Variants in SLIT2 observed in about 807,000 individuals in gnomAD.
SLIT2 encodes slit guidance ligand 2.
SLIT2 carries 41 observed loss-of-function variants against 185.7 expected under a neutral mutation model. The observed-to-expected ratio is 0.22, with a 90% CI of 0.17 to 0.29. The LOEUF is 0.29. Among genes scored for constraint, SLIT2 ranks in the 10% least tolerant of loss-of-function variants. The pLI is 1.00. For synonymous variants in SLIT2, 693 were observed against 680.2 expected (o/e 1.02, Z -0.29); for missense variants, 1,571 against 1,909.0 (o/e 0.82, Z 3.30).
intron 4 of SLIT2, among the ~76,000 whole-genome samples, chr4:20,389,551 C>CGAGAT (rs1188598393): frequency 2.0e-5 from 3 of 151,324 alleles, no homozygotes; most frequent in Non-Finnish European, 2.9e-5. Flanking sequence ...TTTTAACCAC[C>CGAGAT]GAGATTTTGA....
chr4:20,267,085 G>GA (rs1178091397), intron 3 of SLIT2, among the ~76,000 whole-genome samples: 2 of 151,710 alleles, frequency 1.3e-5, no homozygotes, highest in Non-Finnish European at 2.9e-5. Flanking sequence ...TGCATTCCTA[G>GA]AAAAAAATCT....
chr4:20,612,139 A>T (rs1729269691), intron 34 of SLIT2, among the ~76,000 whole-genome samples: 1 of 151,320 alleles, frequency 6.6e-6, no homozygotes, highest in Admixed American at 6.6e-5. Flanking sequence ...GCACTTTGGG[A>T]GGCTGAGGAG....
chr4:20,610,201 A>G, intron 34 of SLIT2, 34 bp downstream of exon 34: 1 of 1,586,332 alleles, frequency 6.3e-7, no homozygotes, highest in Non-Finnish European at 8.6e-7. Context: ...TGGTCCTGAA[A>G]CCCTGTGATT....
At chr4:20,427,814 A>G (rs998275926) in intron 4 of SLIT2, among the ~76,000 whole-genome samples, 4 of 152,056 alleles carry the variant, frequency 2.6e-5, no homozygotes, top group African/African-American at 9.7e-5. Flanking sequence ...CCAACTACAT[A>G]TAGAATGTTA....
chr4:20,328,702 T>C (rs1719805035), intron 4 of SLIT2, among the ~76,000 whole-genome samples: 1 of 152,090 alleles, frequency 6.6e-6, no homozygotes, highest in Non-Finnish European at 1.5e-5. Context: ...CTGTATATTG[T>C]GGATTTAAAA....
intron 4 of SLIT2, among the ~76,000 whole-genome samples, chr4:20,288,880 G>A (rs999477623): frequency 5.3e-5 from 8 of 152,206 alleles, no homozygotes; most frequent in Non-Finnish European, 2.9e-5. Flanking sequence ...AGAGAGAAGG[G>A]AAGAAGGGAG....
chr4:20,329,535 G>A (rs1719890767), intron 4 of SLIT2, among the ~76,000 whole-genome samples: 1 of 152,024 alleles, frequency 6.6e-6, no homozygotes, highest in Non-Finnish European at 1.5e-5. Flanking sequence ...GGTAGCATTT[G>A]TGTAAGGATT....
intron 4 of SLIT2, among the ~76,000 whole-genome samples, chr4:20,337,231 C>G (rs1720582336): frequency 6.6e-6 from 1 of 152,108 alleles, no homozygotes; most frequent in Non-Finnish European, 1.5e-5. Context: ...GCTGGGAAGG[C>G]CTCACAATCA....
chr4:20,270,627 G>T (rs772518951), intron 4 of SLIT2, among the ~76,000 whole-genome samples: 1 of 151,866 alleles, frequency 6.6e-6, no homozygotes, highest in Non-Finnish European at 1.5e-5. Flanking sequence ...CTGGCTCAAA[G>T]GATTTGTCCT....
intron 4 of SLIT2, among the ~76,000 whole-genome samples, chr4:20,446,642 A>T (rs895384431): frequency 2.6e-5 from 4 of 152,234 alleles, no homozygotes; most frequent in African/African-American, 9.6e-5. Context: ...AAAAGAAAAT[A>T]TGCATCACTG....
At chr4:20,584,636 T>C (rs1726893376) in intron 29 of SLIT2, among the ~76,000 whole-genome samples, 1 of 152,226 alleles carries the variant, frequency 6.6e-6, no homozygotes. Flanking sequence ...GAAAAATCAT[T>C]CCCATTTAGA....
intron 36 of SLIT2, among the ~76,000 whole-genome samples, chr4:20,618,278 A>G (rs1425868929): frequency 6.6e-6 from 1 of 152,222 alleles, no homozygotes; most frequent in African/African-American, 2.4e-5. Context: ...GTGCCCATGG[A>G]AGCTTTTAGC....
At chr4:20,294,765 G>A (rs1196968459) in intron 4 of SLIT2, among the ~76,000 whole-genome samples, 1 of 152,164 alleles carries the variant, frequency 6.6e-6, no homozygotes, top group Non-Finnish European at 1.5e-5. Context: ...GATAGCCATG[G>A]TTGGAATTCA....
chr4:20,381,392 G>A (rs919724809), intron 4 of SLIT2, among the ~76,000 whole-genome samples: 2 of 152,126 alleles, frequency 1.3e-5, no homozygotes, highest in African/African-American at 4.8e-5. Context: ...AACTACACAA[G>A]CCATAAGACA....
chr4:20,322,060 A>G (rs1719137276), intron 4 of SLIT2, among the ~76,000 whole-genome samples: 1 of 152,212 alleles, frequency 6.6e-6, no homozygotes, highest in African/African-American at 2.4e-5. Context: ...AGTTATAAAC[A>G]TAGCTGGGCT....
chr4:20,553,598 C>T (rs556031843), intron 25 of SLIT2, among the ~76,000 whole-genome samples: 1 of 152,312 alleles, frequency 6.6e-6, no homozygotes, highest in South Asian at 2.1e-4. Flanking sequence ...TCCCAGTGCA[C>T]ATCATTCAGG....
Position 20,253,396 on chromosome 4 carries a change from G to C in SLIT2, c.-420G>C. On this transcript the variant is annotated 5_prime_UTR_variant, in exon 1 of 37. Coordinates refer to ENST00000504154, the MANE Select transcript of SLIT2 (RefSeq NM_004787.4). The stretch of plus-strand genomic sequence containing the variant: ...CTTCGCCACTGGCATCGGATTTGCA[G>C]AAGCGTGCGTGGGATCAGAGGACCG... 1 of 199,310 alleles carries C rather than the reference G, an allele frequency of 5.0e-6. No individual in the cohort carries two copies. The highest frequency in any genetic ancestry group is 1.0e-5 in the Non-Finnish European group (1 of 97,614). 12.3% of individuals were successfully genotyped at this position (199,310 alleles called of 1,614,324 possible).
At chr4:20,306,389 C>T (rs1282248314) in intron 4 of SLIT2, among the ~76,000 whole-genome samples, 3 of 152,138 alleles carry the variant, frequency 2.0e-5, no homozygotes, top group African/African-American at 7.2e-5. Flanking sequence ...AGAAAAGTAG[C>T]TTATGCTCCT....
At position 20,429,216 on chromosome 4, in the gene SLIT2, C is replaced by T. The variant is rs781512693; in HGVS notation, c.396-38536C>T. On this transcript the variant is annotated intron_variant, in intron 4 of 36. Coordinates refer to ENST00000504154, the MANE Select transcript of SLIT2 (RefSeq NM_004787.4). ...ATCATTAAAAGACTTGTTCTCGGTGCGAGTTTATCGGTTCCTCTGCTTGAT... is the reference window on the plus strand; with the variant it reads ...ATCATTAAAAGACTTGTTCTCGGTGTGAGTTTATCGGTTCCTCTGCTTGAT... Among the ~76,000 whole-genome samples, 7 of 151,606 alleles carry T rather than the reference C, an allele frequency of 4.6e-5. No individual in the cohort carries two copies. The East Asian group carries it at 5.8e-4, about 13-fold the overall frequency.
Sources: allele counts gnomAD v4.1 joint callset (sites outside exome capture counted in the v4.1 genomes callset), GRCh38; gene constraint gnomAD v4.1.1; transcripts MANE v1.5; gene names NCBI Gene and HGNC (gene_info 2026-07-23, HGNC 2026-07-21).